The following MYO5B variants were observed in gnomAD, a reference collection of about 807,000 sequenced individuals.
MYO5B encodes myosin VB, also known as unconventional myosin-Vb.
In MYO5B, 143 loss-of-function variants were observed where a neutral mutation model predicts 229.3. The ratio of observed to expected loss-of-function variants is 0.62; its 90% confidence interval spans 0.54 to 0.72. The LOEUF (loss-of-function observed/expected upper bound fraction) is 0.72. Among genes scored for constraint, MYO5B ranks in the 30% least tolerant of loss-of-function variants. MYO5B has a pLI of 0.00. For synonymous variants in MYO5B, 918 were observed against 885.2 expected, an observed-to-expected ratio of 1.04 and a Z score of -0.66; for missense variants, 2,321 against 2,331.0, an observed-to-expected ratio of 1.00 and a Z score of 0.09.
intron 9 of MYO5B, among the ~76,000 whole-genome samples, chr18:49,977,821 G>A (rs1036219231): frequency 2.0e-5 from 3 of 152,282 alleles, no homozygotes; most frequent in East Asian, 1.9e-4. Flanking sequence ...TCTCAACCAC[G>A]AGCTCTGTGC....
chr18:50,104,930 G>A (rs1335294236), intron 1 of MYO5B, among the ~76,000 whole-genome samples: 1 of 152,066 alleles, frequency 6.6e-6, no homozygotes, highest in African/African-American at 2.4e-5. Flanking sequence ...CTTGTGGGCT[G>A]GCTGGTGCTC....
intron 1 of MYO5B, among the ~76,000 whole-genome samples, chr18:50,143,006 G>A (rs551635956): frequency 2.6e-5 from 4 of 152,298 alleles, no homozygotes; most frequent in South Asian, 2.1e-4. Context: ...GAACCAAAAC[G>A]CCATCACTTC....
chr18:50,046,513 A>T (rs1376658949), intron 2 of MYO5B, among the ~76,000 whole-genome samples: 1 of 152,150 alleles, frequency 6.6e-6, no homozygotes, highest in African/African-American at 2.4e-5. Flanking sequence ...GAAGGTTTTT[A>T]ACTTAGGTCC....
At chr18:49,949,330 GGAAAAAAAAAAAAA>G (rs763672036) in intron 14 of MYO5B, among the ~76,000 whole-genome samples, 35,284 of 144,710 alleles carry the variant, frequency 0.24, 5,844 homozygotes, top group African/African-American at 0.49. Flanking sequence ...CTGGAAAACT[GGAAAAAAAAAAAAA>G]GGAAAACCTC....
chr18:50,178,170 C>T (rs1002585281), intron 1 of MYO5B, among the ~76,000 whole-genome samples: 11 of 152,112 alleles, frequency 7.2e-5, no homozygotes, highest in African/African-American at 1.2e-4. Context: ...GTAGTTGTGG[C>T]GCACACAATC....
intron 22 of MYO5B, among the ~76,000 whole-genome samples, chr18:49,884,797 A>G (rs2024625391): frequency 6.6e-6 from 1 of 152,200 alleles, no homozygotes; most frequent in Non-Finnish European, 1.5e-5. Flanking sequence ...CTCAACAATA[A>G]AAAGACAACC....
chr18:49,963,571 C>T (rs986317201), intron 10 of MYO5B, among the ~76,000 whole-genome samples: 59 of 152,062 alleles, frequency 3.9e-4, no homozygotes, highest in African/African-American at 1.3e-3. Flanking sequence ...GGACTGCAGG[C>T]ACACGCCACC....
chr18:49,858,380 G>A (rs188824727), intron 29 of MYO5B, among the ~76,000 whole-genome samples: 9 of 152,344 alleles, frequency 5.9e-5, no homozygotes, highest in East Asian at 1.9e-4. Context: ...GAAGTAGAGC[G>A]CATCAGCGCT....
intron 32 of MYO5B, among the ~76,000 whole-genome samples, chr18:49,847,977 A>C (rs1259839392): frequency 6.6e-6 from 1 of 152,204 alleles, no homozygotes; most frequent in Admixed American, 6.5e-5. Flanking sequence ...GGCAGGGTTG[A>C]AGGTATAAAG....
intron 39 of MYO5B, among the ~76,000 whole-genome samples, chr18:49,830,145 C>CCA (rs57718809): frequency 0.098 from 14,757 of 149,916 alleles, 825 homozygotes; most frequent in African/African-American, 0.15. Context: ...CTGAAAGAAT[C>CCA]CACACACACA....
chr18:49,915,173 G>A (rs547363795), intron 17 of MYO5B, among the ~76,000 whole-genome samples: 67 of 151,796 alleles, frequency 4.4e-4, no homozygotes, highest in Admixed American at 2.6e-3. Context: ...GCTCCTTACC[G>A]TTATAAAATT....
chr18:49,948,954 T>C (rs966558057), intron 14 of MYO5B, among the ~76,000 whole-genome samples: 2 of 152,246 alleles, frequency 1.3e-5, no homozygotes, highest in Non-Finnish European at 1.5e-5. Context: ...GTAGGATCTC[T>C]GAGATTCAGA....
chr18:49,962,487 G>A, intron 11 of MYO5B, 81 bp from the exon 12 acceptor site: 1 of 1,581,154 alleles, frequency 6.3e-7, no homozygotes, highest in Non-Finnish European at 8.7e-7. Flanking sequence ...AGTGAGTTCT[G>A]GGTTCTGGAG....
chr18:49,961,563 C>T (rs1181773417), intron 12 of MYO5B, among the ~76,000 whole-genome samples: 1 of 152,196 alleles, frequency 6.6e-6, no homozygotes, highest in Non-Finnish European at 1.5e-5. Flanking sequence ...AATCATGTGG[C>T]TTTTATACCT....
At chr18:50,096,826 T>C (rs1439097817) in intron 1 of MYO5B, among the ~76,000 whole-genome samples, 1 of 152,164 alleles carries the variant, frequency 6.6e-6, no homozygotes, top group Non-Finnish European at 1.5e-5. Flanking sequence ...CTGCTGGAGC[T>C]CCCTAGGTCC....
chr18:50,139,038 C>T (rs893311969), intron 1 of MYO5B, among the ~76,000 whole-genome samples: 69 of 152,226 alleles, frequency 4.5e-4, no homozygotes, highest in African/African-American at 1.6e-3. Flanking sequence ...GTTACCTTCC[C>T]CAGATAACTT....
chr18:49,964,945 G>A (rs1248545725), intron 10 of MYO5B, among the ~76,000 whole-genome samples: 2 of 152,224 alleles, frequency 1.3e-5, no homozygotes, highest in African/African-American at 4.8e-5. Flanking sequence ...GCTACGCCAA[G>A]GGGTCTGGAA....
chr18:50,015,840 T>C (rs1454040296), intron 4 of MYO5B, among the ~76,000 whole-genome samples: 2 of 152,206 alleles, frequency 1.3e-5, no homozygotes, highest in African/African-American at 4.8e-5. Flanking sequence ...AGCTCTCTGG[T>C]ATGAGCACTG....
At chr18:50,078,860 G>A (rs184992514) in intron 1 of MYO5B, among the ~76,000 whole-genome samples, 429 of 152,268 alleles carry the variant, frequency 2.8e-3, no homozygotes, top group Admixed American at 4.3e-3. Context: ...TTAACAGTAG[G>A]ATGGACAAAT....
Sources: gnomAD v4.1 joint callset for allele counts (sites outside exome capture counted in the v4.1 genomes callset) on GRCh38, gnomAD v4.1.1 for gene constraint, MANE v1.5 for transcripts, NCBI Gene and HGNC (gene_info 2026-07-23, HGNC 2026-07-21) for gene names.